SUPT5H: variants seen among roughly 807,000 people sequenced by gnomAD.
The protein encoded by SUPT5H is transcription elongation factor SPT5.
Under a neutral mutation model 142.5 loss-of-function variants are expected in SUPT5H, and 24 were observed. The observed-to-expected ratio is 0.17, with a 90% confidence interval of 0.12 to 0.24. The LOEUF is 0.24. Ranked by LOEUF, SUPT5H falls within the 10% of genes least tolerant of loss-of-function variation. The pLI, the probability that SUPT5H is intolerant of heterozygous loss-of-function variation, is 1.00. For missense variants in SUPT5H, 893 were observed against 1,471.8 expected (o/e 0.61, Z 6.43); for synonymous variants, 546 against 553.0 (o/e 0.99, Z 0.18).
In SUPT5H at chr19:39,466,824, G is replaced by T; in HGVS notation, c.1037+79G>T. The T allele has an allele frequency of 6.9e-7, 1 of 1,442,470 alleles. No homozygotes were observed. Among genetic ancestry groups the T allele is most frequent in the East Asian group, 2.3e-5 (1 of 44,026 alleles). 89.4% of individuals were successfully genotyped at this position (1,442,470 alleles called of 1,614,324 possible). A position where few individuals can be genotyped will look rare whatever the true frequency, so the allele number is the denominator to read the frequency against. ...TGTGCCTTTTGCAGGTTCCTCCCCA[G>T]GGGTGGCCCCGCCACAGGTTTAGCC... On this transcript the variant is annotated intron_variant, in intron 13 of 29. Transcript: ENST00000432763. This position sits in a 1 kb window ranked among gnomAD's most constrained non-coding sequence, Gnocchi z 4.3.
chr19:39,447,821 G>C (rs1419190340), intron 2 of SUPT5H, among the ~76,000 whole-genome samples: 1 of 152,184 alleles, frequency 6.6e-6, no homozygotes, highest in Admixed American at 6.5e-5. Context: ...TGTCTGGTAG[G>C]AAATCTTTGC....
chr19:39,474,326 C>T lies in SUPT5H; in HGVS notation c.2744C>T (p.Ala915Val), dbSNP rs761114242. ...AGCCCCCAGAGCTACCACCAGGTGG[C>T]GCCAAGCCCAGCAGGCTACCAGAAT... ...SPSPQSYHQV[A>V]PSPAGYQNTH... The change falls in exon 27 of 30, where the codon GCG becomes GTG. Residue 915 changes from alanine to valine, a missense_variant. By Grantham distance (64) the Ala-to-Val change is moderately conservative. This residue lies in a region of SUPT5H where 336 missense variants were observed against 546.5 expected (regional missense o/e 0.61). Coordinates refer to ENST00000432763, the MANE Select transcript of SUPT5H (RefSeq NM_001111020.3). The surrounding 1 kb of genome is among the most constrained non-coding windows in gnomAD (Gnocchi z 6.5). 29 of 1,614,006 alleles carry T rather than the reference C, an allele frequency of 1.8e-5. No individual in the cohort carries two copies. The highest frequency in any genetic ancestry group is 1.4e-4 in the South Asian group (13 of 91,086).
chr19:39,464,989 C>T lies in SUPT5H; in HGVS notation c.816C>T (p.Asn272=). Residue 272 remains asparagine (N), a synonymous_variant, in exon 11 of 30, where the codon AAC becomes AAT. Transcript: ENST00000432763. ...DVLKVVKEVA[N]LKPKSWVRLK... The stretch of plus-strand genomic sequence containing the variant: ...TCAAAGTGGTGAAGGAGGTGGCCAA[C>T]CTGAAACCAAAGTCCTGGGTCCGCC... 4 of 1,614,244 alleles carry T rather than the reference C, an allele frequency of 2.5e-6. No homozygotes were observed. Among genetic ancestry groups the T allele is most frequent in the Non-Finnish European group, 3.4e-6 (4 of 1,180,036 alleles).
chr19:39,473,675 C>T lies in SUPT5H; in HGVS notation c.2492+154C>T, dbSNP rs10420073. Among the ~76,000 whole-genome samples, 66,453 of 151,950 alleles carry T rather than the reference C, an allele frequency of 0.44. 15,402 individuals carry two copies. The highest frequency in any genetic ancestry group is 0.59 in the African/African-American group (24,218 of 41,392). On this transcript the variant is annotated intron_variant, in intron 25 of 29. Transcript: ENST00000432763. This position sits in a 1 kb window ranked among gnomAD's most constrained non-coding sequence, Gnocchi z 5.8. Reference sequence around the variant, plus strand: ...CTTTGAAGGAGGAGGCATAGCATGGCGGGGCGGGGGCAAAGCGGCCTCCTC... The same window carrying T: ...CTTTGAAGGAGGAGGCATAGCATGGTGGGGCGGGGGCAAAGCGGCCTCCTC...
chr19:39,447,977 G>C (rs1413825702), intron 2 of SUPT5H, among the ~76,000 whole-genome samples: 1 of 152,180 alleles, frequency 6.6e-6, no homozygotes, highest in Non-Finnish European at 1.5e-5. Flanking sequence ...TTAACATAAA[G>C]ATTAAGATTT....
In SUPT5H at chr19:39,473,273, A is replaced by G. The variant is rs746513927; in HGVS notation, c.2329A>G (p.Met777Val). 1.6e-5 allele frequency: 26 copies of G among 1,613,712 alleles called. No individual in the cohort carries two copies. Among genetic ancestry groups the G allele is most frequent in the Non-Finnish European group, 2.1e-5 (25 of 1,179,954 alleles). Residue 777 changes from methionine (M) to valine (V), a missense_variant, in exon 24 of 30, where the codon ATG (methionine) becomes GTG (valine). Physicochemically the swap from Met to Val is conservative, Grantham distance 21. Coordinates refer to ENST00000432763, the MANE Select transcript of SUPT5H (RefSeq NM_001111020.3). This position sits in a 1 kb window ranked among gnomAD's most constrained non-coding sequence, Gnocchi z 5.8. ...GCCCATGTATGGCTCCCAGACGCCC[A>G]TGTATGGCTCTGGCTCCCGAACACC... ...RTPMYGSQTP[M>V]YGSGSRTPMY...
intron 2 of SUPT5H, among the ~76,000 whole-genome samples, chr19:39,449,440 T>C (rs186203490): frequency 3.9e-5 from 6 of 152,300 alleles, no homozygotes; most frequent in Admixed American, 3.3e-4. Context: ...CAAATATTTC[T>C]GAAGTCTTCT....
chr19:39,475,707 G>T (rs976508190), intron 28 of SUPT5H, among the ~76,000 whole-genome samples: 2 of 152,176 alleles, frequency 1.3e-5, no homozygotes, highest in African/African-American at 4.8e-5. Context: ...TGTTGGTGAG[G>T]GAGGTGACCA....
At chr19:39,454,727 A>G (rs112962613) in intron 3 of SUPT5H, among the ~76,000 whole-genome samples, 3,196 of 152,308 alleles carry the variant, frequency 0.021, 61 homozygotes, top group African/African-American at 0.047. Flanking sequence ...CCATGATGAT[A>G]ATGAATGTGC....
chr19:39,451,316 G>C (rs914454143), intron 2 of SUPT5H, among the ~76,000 whole-genome samples: 1 of 148,884 alleles, frequency 6.7e-6, no homozygotes, highest in Non-Finnish European at 1.5e-5. Context: ...AGCCTCCCAA[G>C]TAGTTGGGAC....
At chr19:39,456,645 C>T (rs1002640904) in intron 3 of SUPT5H, among the ~76,000 whole-genome samples, 7 of 151,858 alleles carry the variant, frequency 4.6e-5, no homozygotes, top group Admixed American at 1.3e-4. Context: ...ATCATGAGCT[C>T]CTGTCCTCAT....
rs757939198 is a variant in SUPT5H at position 39,464,904 on chromosome 19, A to G, written c.731A>G (p.Asn244Ser). The change falls in exon 11 of 30, where the codon AAC (asparagine) becomes AGC (serine). Residue 244 changes from asparagine (N) to serine (S), a missense_variant. By Grantham distance (46) the Asn-to-Ser change is conservative. Around this residue, in one of 6 missense-constraint regions of SUPT5H, gnomAD observed 428 missense variants for 763.5 expected, o/e 0.56. Transcript: ENST00000432763. The stretch of plus-strand genomic sequence containing the variant: ...AAGCAGGCCATTGAGGGGGTGGGCA[A>G]CCTGCGGCTTGGCTACTGGAACCAG... ...HVKQAIEGVG[N>S]LRLGYWNQQM... The G allele has an allele frequency of 3.1e-6, 5 of 1,613,986 alleles. No homozygotes were observed. Among genetic ancestry groups the G allele is most frequent in the East Asian group, 2.2e-5 (1 of 44,890 alleles).
intron 3 of SUPT5H, among the ~76,000 whole-genome samples, chr19:39,456,507 C>G (rs927403713): frequency 6.6e-6 from 1 of 151,754 alleles, no homozygotes; most frequent in African/African-American, 2.4e-5. Flanking sequence ...CAACCTCCAC[C>G]TCCCGGGTTC....
rs761492127 is a variant in SUPT5H, at chr19:39,476,370, C to T, written c.3235C>T (p.Arg1079Cys). 3.7e-6 allele frequency: 6 copies of T among 1,614,108 alleles called. No individual in the cohort carries two copies. Among genetic ancestry groups the T allele is most frequent in the Non-Finnish European group, 5.1e-6 (6 of 1,180,024 alleles). Residue 1079 changes from arginine to cysteine, a missense_variant, in exon 30 of 30, where the codon CGC (arginine) becomes TGC (cysteine). Coordinates refer to ENST00000432763, the MANE Select transcript of SUPT5H (RefSeq NM_001111020.3). ...LDEQLKILNL[R>C]FLGKLLEA ...TGAGCAGCTCAAGATCCTCAACCTC[C>T]GCTTCCTGGGGAAGCTCCTGGAAGC...
intron 8 of SUPT5H, 69 bp from the exon 9 acceptor site, chr19:39,459,490 T>C: frequency 6.3e-7 from 1 of 1,591,084 alleles, no homozygotes; most frequent in East Asian, 2.2e-5. Context: ...GGGGTGGCCC[T>C]GGGGGTTCGT....
intron 4 of SUPT5H, chr19:39,457,953 G>C: frequency 1.1e-6 from 1 of 922,886 alleles, no homozygotes; most frequent in Non-Finnish European, 1.7e-6. Context: ...GGGATGTTGT[G>C]GGGAGAGGAC....
chr19:39,469,829 G>T lies in SUPT5H; in HGVS notation c.1375-290G>T, dbSNP rs145008654. On this transcript the variant is annotated intron_variant, in intron 16 of 29. Coordinates refer to ENST00000432763, the MANE Select transcript of SUPT5H (RefSeq NM_001111020.3). This position sits in a 1 kb window ranked among gnomAD's most constrained non-coding sequence, Gnocchi z 5.1. Reference sequence around the variant, plus strand: ...GGTGGGGCTGAGGAGCTGTCCAGTCGGGGGTCCTGTGTCTGAGGGGCAGGC... The same window carrying T: ...GGTGGGGCTGAGGAGCTGTCCAGTCTGGGGTCCTGTGTCTGAGGGGCAGGC... 7.8e-4 allele frequency: 377 copies of T among 481,224 alleles called. 2 individuals carry two copies. The East Asian group carries it at 0.014, about 18-fold the overall frequency. The allele number at this position is 481,224 out of a possible 1,614,324, so 29.8% of individuals were successfully genotyped here.
Position 39,473,969 on chromosome 19 carries a change from G to A in SUPT5H, c.2499G>A (p.Glu833=). The A allele has an allele frequency of 1.9e-6, 3 of 1,613,878 alleles. No individual in the cohort carries two copies. The highest frequency in any genetic ancestry group is 2.5e-6 in the Non-Finnish European group (3 of 1,179,966). The stretch of plus-strand genomic sequence containing the variant: ...CAGACTTTTCTCCCAACAGGGCTGA[G>A]GAAGAATATGAGTATGCTTTCGATG... ...PNNPNTPSRA[E]EEYEYAFDDE... is the part of the protein sequence containing the mutation. Residue 833 remains glutamate, a synonymous_variant, in exon 26 of 30, where the codon GAG becomes GAA. Coordinates refer to ENST00000432763, the MANE Select transcript of SUPT5H (RefSeq NM_001111020.3). The surrounding 1 kb of genome is among the most constrained non-coding windows in gnomAD (Gnocchi z 5.8).
chr19:39,465,530 G>A (rs1025701234), intron 11 of SUPT5H, among the ~76,000 whole-genome samples: 15 of 152,356 alleles, frequency 9.8e-5, no homozygotes, highest in African/African-American at 2.6e-4. Context: ...CCAGGGTGAT[G>A]TTTCCCCAGG....
Sources: gnomAD v4.1 joint callset for allele counts (sites outside exome capture counted in the v4.1 genomes callset) on GRCh38, gnomAD v4.1.1 for gene constraint, gnomAD v4.1.1 regional missense constraint, Gnocchi (gnomAD v3.1) non-coding constraint, MANE v1.5 for transcripts, NCBI Gene and HGNC (gene_info 2026-07-23, HGNC 2026-07-21) for gene names.